The following ITGB4 variants were observed in gnomAD, a reference collection of about 807,000 sequenced individuals.
ITGB4 encodes the protein integrin beta-4.
ITGB4 carries 159 observed loss-of-function variants against 207.6 expected under a neutral mutation model. The ratio of observed to expected loss-of-function variants is 0.77; its 90% confidence interval spans 0.67 to 0.87. The LOEUF is 0.87. ITGB4 is among the 40% of genes least tolerant of loss of function. ITGB4 has a pLI of 0.00. For missense variants in ITGB4, 2,278 were observed against 2,546.8 expected (o/e 0.89, Z 2.27); for synonymous variants, 1,020 against 1,062.7 (o/e 0.96, Z 0.78).
At chr17:75,730,622 C>T (rs1184273202) in intron 8 of ITGB4, 118 bp downstream of exon 8, 4 of 1,148,762 alleles carry the variant, frequency 3.5e-6, no homozygotes, top group Non-Finnish European at 4.9e-6. Context: ...TCCTCCCTCC[C>T]TCTTTTCCTC....
In ITGB4 at chr17:75,739,736, G is replaced by A; in HGVS notation, c.2254+31G>A. 2.5e-6 allele frequency: 4 copies of A among 1,613,838 alleles called. No individual in the cohort carries two copies. Among genetic ancestry groups the A allele is most frequent in the Non-Finnish European group, 2.5e-6 (3 of 1,179,800 alleles). On this transcript the variant is annotated intron_variant, in intron 19 of 39. Transcript: ENST00000200181. This position sits in a 1 kb window ranked among gnomAD's most constrained non-coding sequence, Gnocchi z 5.4. ...GGCCTGGCATCGCAGGGGCAGCAGG[G>A]GCTCTGACTGCTCTTTCTCTGAGCT...
Position 75,750,068 on chromosome 17 carries a change from A to G in ITGB4, c.3317-43A>G, listed in dbSNP as rs758409528. The G allele has an allele frequency of 2.5e-6, 4 of 1,612,668 alleles. No homozygotes were observed. In the East Asian group the frequency reaches 8.9e-5, roughly 36 times the overall value. On this transcript the variant is annotated intron_variant, in intron 27 of 39. Transcript: ENST00000200181. This position sits in a 1 kb window ranked among gnomAD's most constrained non-coding sequence, Gnocchi z 5.5. ...GGTCTCTGGCGCCCCCTGGTGGTGA[A>G]GGGGGATCTGAGTGGTTGCCCGGCC...
In ITGB4 at chr17:75,731,363, GA is replaced by G; in HGVS notation, c.1212del (p.Val405TrpfsTer32). ...TGGGTCCTTTCACATCCGGCGGGGG[GA>G]AGTGGTACGCCTCTGTGGGGGCAGC... ...RTGSFHIRRG[E>X]VGIYQVQLRA... On this transcript the variant is annotated frameshift_variant, in exon 10 of 40. Transcript: ENST00000200181. LOFTEE classifies it high-confidence loss of function. The surrounding 1 kb of genome is among the most constrained non-coding windows in gnomAD (Gnocchi z 6.8). 1 of 1,611,778 alleles carries G rather than the reference GA, an allele frequency of 6.2e-7. No homozygotes were observed. Among genetic ancestry groups the G allele is most frequent in the Non-Finnish European group, 8.5e-7 (1 of 1,179,140 alleles).
chr17:75,733,438 GCCCC>G, intron 12 of ITGB4, 48 bp from the exon 13 acceptor site: 6 of 1,442,048 alleles, frequency 4.2e-6, no homozygotes, highest in Non-Finnish European at 5.8e-6. Flanking sequence ...GACAGCAAAA[GCCCC>G]AGCTTTCCTC....
At chr17:75,736,006 G>T in intron 13 of ITGB4, 45 bp from the exon 14 acceptor site, 1 of 1,587,196 alleles carries the variant, frequency 6.3e-7, no homozygotes. Flanking sequence ...CTGGACTACA[G>T]GCACAGATGT....
In ITGB4 at chr17:75,727,050, G is replaced by C. The variant is rs2060732973; in HGVS notation, c.80-145G>C. On this transcript the variant is annotated intron_variant, in intron 2 of 39. Transcript: ENST00000200181. The surrounding 1 kb of genome is among the most constrained non-coding windows in gnomAD (Gnocchi z 6.0). ...ATCACGCCACTGCACTCCAGCCTGGGCAACAGAGCGAGACTCTGTCTCAAA... is the reference window on the plus strand; with the variant it reads ...ATCACGCCACTGCACTCCAGCCTGGCCAACAGAGCGAGACTCTGTCTCAAA... 2.8e-6 allele frequency: 2 copies of C among 712,904 alleles called. No homozygotes were observed. The highest frequency in any genetic ancestry group is 4.9e-6 in the Non-Finnish European group (2 of 411,426). 44.2% of individuals were successfully genotyped at this position (712,904 alleles called of 1,614,324 possible).
In ITGB4 at chr17:75,756,683, C is replaced by G. The variant is rs749106509; in HGVS notation, c.4898-21C>G. 18 of 1,613,330 alleles carry G rather than the reference C, an allele frequency of 1.1e-5. No homozygotes were observed. The African/African-American group carries it at 2.0e-4, about 18-fold the overall frequency. ...CCCACCACCCACCCACAGGCTGATG[C>G]TCTTCCTCTACTGCCCCCAGGCTCC... is the stretch of plus-strand genomic sequence containing the variant. On this transcript the variant is annotated intron_variant, in intron 36 of 39. Coordinates refer to ENST00000200181, the MANE Select transcript of ITGB4 (RefSeq NM_000213.5).
chr17:75,739,527 C>CA lies in ITGB4; in HGVS notation c.2221-144dup. The CA allele has an allele frequency of 2.2e-6, 2 of 920,620 alleles. No homozygotes were observed. Among genetic ancestry groups the CA allele is most frequent in the South Asian group, 2.7e-5 (2 of 73,482 alleles). 57.0% of individuals were successfully genotyped at this position (920,620 alleles called of 1,614,324 possible). On this transcript the variant is annotated intron_variant, in intron 18 of 39. Transcript: ENST00000200181. This position sits in a 1 kb window ranked among gnomAD's most constrained non-coding sequence, Gnocchi z 5.4. ...TCTATGCCCTTGTGTGCCATGCTTA[C>CA]ACCCTGCTACCACCTGGATATTCTG...
rs760456094 is a variant in ITGB4 at position 75,742,643 on chromosome 17, C to G, written c.2844C>G (p.Leu948=). Residue 948 remains leucine (L), a synonymous_variant, in exon 25 of 40, where the codon CTC becomes CTG. Transcript: ENST00000200181. This position sits in a 1 kb window ranked among gnomAD's most constrained non-coding sequence, Gnocchi z 5.9. ...GVELVDVRVP[L]FIRPEDDDEK... ...AGCTGGTGGACGTACGGGTGCCCCT[C>G]TTTATCCGGCCTGAGGATGACGACG... 3 of 1,613,930 alleles carry G rather than the reference C, an allele frequency of 1.9e-6. No individual in the cohort carries two copies. The Admixed American group carries it at 5.0e-5, about 27-fold the overall frequency.
At chr17:75,728,193 C>T (rs931127849) in intron 5 of ITGB4, among the ~76,000 whole-genome samples, 184 bp from the exon 6 acceptor site, 4 of 152,222 alleles carry the variant, frequency 2.6e-5, no homozygotes, top group African/African-American at 4.8e-5. Flanking sequence ...TAACTCCAGA[C>T]CCCCAGTCCC....
At chr17:75,734,198 A>G (rs1395369418) in intron 13 of ITGB4, among the ~76,000 whole-genome samples, 1 of 137,462 alleles carries the variant, frequency 7.3e-6, no homozygotes, top group Non-Finnish European at 1.5e-5. Flanking sequence ...GTGCAATAGC[A>G]CAATCTTGGC....
intron 30 of ITGB4, 51 bp from the exon 31 acceptor site, chr17:75,752,123 G>A (rs2061380508): frequency 6.3e-7 from 1 of 1,586,520 alleles, no homozygotes. Flanking sequence ...GGGTGGTGTT[G>A]GGACCAGGCT....
intron 2 of ITGB4, among the ~76,000 whole-genome samples, chr17:75,726,353 G>A (rs1052425533): frequency 5.9e-5 from 9 of 152,182 alleles, no homozygotes; most frequent in Admixed American, 3.9e-4. Flanking sequence ...CTGAGCCCAG[G>A]ATGTCGAGAC....
At chr17:75,735,996 C>T in intron 13 of ITGB4, 55 bp from the exon 14 acceptor site, 7 of 1,567,434 alleles carry the variant, frequency 4.5e-6, no homozygotes, top group Non-Finnish European at 6.1e-6. Flanking sequence ...GGTGGGCAGC[C>T]TGGACTACAG....
intron 6 of ITGB4, among the ~76,000 whole-genome samples, 191 bp downstream of exon 6, chr17:75,728,664 C>A (rs954293588): frequency 4.6e-5 from 7 of 152,166 alleles, no homozygotes; most frequent in Non-Finnish European, 1.0e-4. Flanking sequence ...GCCTGGGCAA[C>A]ATGGCAAAAC....
In ITGB4 at chr17:75,753,986, A is replaced by G; in HGVS notation, c.4318+12A>G. 2 of 1,162,284 alleles carry G rather than the reference A, an allele frequency of 1.7e-6. No individual in the cohort carries two copies. Among genetic ancestry groups the G allele is most frequent in the East Asian group, 3.3e-5 (1 of 30,286 alleles). 72.0% of individuals were successfully genotyped at this position (1,162,284 alleles called of 1,614,324 possible). On this transcript the variant is annotated intron_variant, in intron 33 of 39. Transcript: ENST00000200181. ...CGGGCCCCCCGGAGGTGACAGGCTC[A>G]CCCGCCGCCCCCCGATCCGCGCCCA...
In ITGB4 at chr17:75,734,455, A is replaced by AAGATGCT. The variant is rs1433050285; in HGVS notation, c.1657+765_1657+771dup. On this transcript the variant is annotated intron_variant, in intron 13 of 39. Coordinates refer to ENST00000200181, the MANE Select transcript of ITGB4 (RefSeq NM_000213.5). ...GGTGTGAGCCACTGAGCCCGGCCCA[A>AAGATGCT]AGATGCTAAATTTCTACCTGGAAGG... Among the ~76,000 whole-genome samples, 6 of 152,034 alleles carry AAGATGCT rather than the reference A, an allele frequency of 3.9e-5. No individual in the cohort carries two copies. The East Asian group carries it at 1.2e-3, about 29-fold the overall frequency.
At chr17:75,754,046 G>T in intron 33 of ITGB4, 72 bp downstream of exon 33, 1 of 711,664 alleles carries the variant, frequency 1.4e-6, no homozygotes, top group Non-Finnish European at 2.0e-6. Context: ...CCTGGGGTGG[G>T]CGTCTGCGCT....
chr17:75,729,494 G>A lies in ITGB4; in HGVS notation c.738+58G>A. The A allele has an allele frequency of 6.4e-7, 1 of 1,566,572 alleles. No individual in the cohort carries two copies. Among genetic ancestry groups the A allele is most frequent in the East Asian group, 2.3e-5 (1 of 43,552 alleles). On this transcript the variant is annotated intron_variant, in intron 7 of 39. Transcript: ENST00000200181. This position sits in a 1 kb window ranked among gnomAD's most constrained non-coding sequence, Gnocchi z 4.4. ...CCAGGGGTGAGCACTTCTGGGCAAG[G>A]GCCTGAGCTGCCCCCTGGCCTGCTC...
Sources: allele counts gnomAD v4.1 joint callset (sites outside exome capture counted in the v4.1 genomes callset), GRCh38; gene constraint gnomAD v4.1.1; non-coding constraint Gnocchi (gnomAD v3.1); transcripts MANE v1.5; gene names NCBI Gene and HGNC (gene_info 2026-07-23, HGNC 2026-07-21).